The following CLASP1 variants were observed in gnomAD, a reference collection of about 807,000 sequenced individuals.
CLASP1 encodes CLIP-associating protein 1.
A neutral mutation model predicts 192.3 loss-of-function variants in CLASP1; 38 were observed. That is an observed-to-expected ratio of 0.20 (90% CI 0.15 to 0.26). The LOEUF (loss-of-function observed/expected upper bound fraction) is 0.26. Among genes scored for constraint, CLASP1 ranks in the 10% least tolerant of loss-of-function variants. The probability of loss-of-function intolerance (pLI) is 1.00; values close to 1 mark genes in which losing one functional copy is unlikely to be tolerated. For synonymous variants in CLASP1, 691 were observed against 712.8 expected (o/e 0.97, Z 0.49); for missense variants, 1,433 against 1,932.5 (o/e 0.74, Z 4.85).
At chr2:121,589,585 G>A (rs938481925) in intron 2 of CLASP1, among the ~76,000 whole-genome samples, 11 of 148,086 alleles carry the variant, frequency 7.4e-5, no homozygotes, top group African/African-American at 1.2e-4. Context: ...AGCCAAGGCC[G>A]TACCATTGCA....
chr2:121,454,199 A>T (rs923125238), intron 14 of CLASP1, among the ~76,000 whole-genome samples: 1 of 129,084 alleles, frequency 7.7e-6, no homozygotes, highest in Non-Finnish European at 1.6e-5. Flanking sequence ...TCTCAATGTG[A>T]TGGTTATTTA....
At chr2:121,526,046 T>C in intron 5 of CLASP1, 126 bp from the exon 6 acceptor site, 2 of 676,688 alleles carry the variant, frequency 3.0e-6, no homozygotes, top group African/African-American at 1.8e-5. Context: ...CAAGTCTCTC[T>C]CCATCCCATC....
At chr2:121,397,792 A>G (rs2075532625) in intron 29 of CLASP1, among the ~76,000 whole-genome samples, 1 of 152,206 alleles carries the variant, frequency 6.6e-6, no homozygotes, top group East Asian at 1.9e-4. Context: ...AACCTCCAAA[A>G]AGTTAATGAT....
intron 2 of CLASP1, among the ~76,000 whole-genome samples, chr2:121,580,802 G>C (rs959156997): frequency 1.3e-5 from 2 of 152,056 alleles, no homozygotes; most frequent in African/African-American, 4.8e-5. Flanking sequence ...ATGCACAGAG[G>C]CCATATAATT....
At chr2:121,456,840 G>A (rs2086771767) in intron 14 of CLASP1, among the ~76,000 whole-genome samples, 1 of 152,108 alleles carries the variant, frequency 6.6e-6, no homozygotes, top group South Asian at 2.1e-4. Flanking sequence ...ACACAGCTAA[G>A]GGAATGGGGC....
intron 2 of CLASP1, among the ~76,000 whole-genome samples, chr2:121,532,941 CTT>C: frequency 6.6e-6 from 1 of 152,272 alleles, no homozygotes; most frequent in Admixed American, 6.5e-5. Flanking sequence ...CTGGTGAAAT[CTT>C]AAGCTTATCT....
chr2:121,371,073 C>T (rs1448332252), intron 34 of CLASP1, among the ~76,000 whole-genome samples: 2 of 152,146 alleles, frequency 1.3e-5, no homozygotes, highest in Admixed American at 6.5e-5. Flanking sequence ...CTCCCCTACA[C>T]ACATATATGT....
chr2:121,645,695 G>A (rs1559864744), intron 1 of CLASP1, among the ~76,000 whole-genome samples: 1 of 152,188 alleles, frequency 6.6e-6, no homozygotes, highest in Non-Finnish European at 1.5e-5. Context: ...AAGCAGCAAG[G>A]AGTGAGGAAA....
At chr2:121,433,668 A>G (rs2149673829) in intron 19 of CLASP1, among the ~76,000 whole-genome samples, 3 of 152,128 alleles carry the variant, frequency 2.0e-5, no homozygotes, top group Middle Eastern at 6.8e-3. Flanking sequence ...AGGCACGAGA[A>G]TTGCTTGAAC....
intron 2 of CLASP1, among the ~76,000 whole-genome samples, chr2:121,540,741 C>T (rs993735586): frequency 2.6e-5 from 4 of 151,148 alleles, no homozygotes; most frequent in East Asian, 1.9e-4. Context: ...GAGCCTAGAT[C>T]GCGCCACTGC....
At chr2:121,415,840 C>G (rs1197339987) in intron 23 of CLASP1, among the ~76,000 whole-genome samples, 1 of 152,132 alleles carries the variant, frequency 6.6e-6, no homozygotes, top group Admixed American at 6.6e-5. Flanking sequence ...TTTTTAAGGT[C>G]CATGTTACTT....
chr2:121,534,707 T>C (rs1179925134), intron 2 of CLASP1, among the ~76,000 whole-genome samples: 5 of 152,098 alleles, frequency 3.3e-5, no homozygotes, highest in African/African-American at 1.2e-4. Context: ...TTTGTATTTT[T>C]AGTAGAGACG....
intron 22 of CLASP1, among the ~76,000 whole-genome samples, chr2:121,420,436 C>G (rs1473363184): frequency 6.6e-6 from 1 of 152,200 alleles, no homozygotes; most frequent in Non-Finnish European, 1.5e-5. Flanking sequence ...TACCACTCAT[C>G]CTTAGAGAAC....
intron 2 of CLASP1, among the ~76,000 whole-genome samples, chr2:121,568,468 G>A (rs1205055369): frequency 1.3e-5 from 2 of 151,682 alleles, no homozygotes; most frequent in Non-Finnish European, 2.9e-5. Context: ...AAGAACAAAT[G>A]AAACAAACAT....
chr2:121,611,124 G>T (rs111162267), intron 1 of CLASP1, among the ~76,000 whole-genome samples: 3 of 128,560 alleles, frequency 2.3e-5, no homozygotes, highest in Non-Finnish European at 3.3e-5. Flanking sequence ...TGGAGGAGGA[G>T]GAGGAGTTAC....
At position 121,492,713 on chromosome 2, in the gene CLASP1, A is replaced by AT. The variant is rs2093373758; in HGVS notation, c.712+10453dup. Among the ~76,000 whole-genome samples, 5 of 152,158 alleles carry AT rather than the reference A, an allele frequency of 3.3e-5. No individual in the cohort carries two copies. The South Asian group carries it at 1.0e-3, about 32-fold the overall frequency. ...AACAAGCATTGCCAGAAAGTGGAGA[A>AT]TTTGGTAAAGGCTAGAGAGAATATA... On this transcript the variant is annotated intron_variant, in intron 8 of 39. Transcript: ENST00000263710.
At chr2:121,503,362 A>T in intron 7 of CLASP1, 128 bp from the exon 8 acceptor site, 1 of 604,060 alleles carries the variant, frequency 1.7e-6, no homozygotes, top group Admixed American at 2.9e-5. Flanking sequence ...CCACCTAGTA[A>T]CAAAACAGTG....
At chr2:121,528,401 T>G (rs1455359285) in intron 4 of CLASP1, among the ~76,000 whole-genome samples, 1 of 152,236 alleles carries the variant, frequency 6.6e-6, no homozygotes, top group Non-Finnish European at 1.5e-5. Flanking sequence ...GAGAGTCGGT[T>G]ACATAAATGA....
chr2:121,365,078 C>T lies in CLASP1; in HGVS notation c.4077+16G>A, dbSNP rs753451196. On this transcript the variant is annotated intron_variant, in intron 36 of 39. Transcript: ENST00000263710. ...TACATGGAAAGGGGCAAGATAAGGCCAAACCAGCATCTCACGTCTTTGTCT... is the reference window on the plus strand; with the variant it reads ...TACATGGAAAGGGGCAAGATAAGGCTAAACCAGCATCTCACGTCTTTGTCT... The T allele has an allele frequency of 3.1e-6, 5 of 1,613,724 alleles. No individual in the cohort carries two copies. In the South Asian group the frequency reaches 5.5e-5, roughly 18 times the overall value.
Sources: allele counts gnomAD v4.1 joint callset (sites outside exome capture counted in the v4.1 genomes callset), GRCh38; gene constraint gnomAD v4.1.1; transcripts MANE v1.5; gene names NCBI Gene and HGNC (gene_info 2026-07-23, HGNC 2026-07-21).